Variants in GLIS3 observed in about 807,000 individuals in gnomAD.
GLIS3 encodes the protein zinc finger protein GLIS3.
In GLIS3, 53 loss-of-function variants were observed where a neutral mutation model predicts 78.6. That is an observed-to-expected ratio of 0.67 (90% CI 0.54 to 0.85). The LOEUF (loss-of-function observed/expected upper bound fraction) is 0.85, where lower values mean the gene tolerates loss of function less well. GLIS3 is among the 40% of genes least tolerant of loss of function. GLIS3 has a pLI of 0.00. For missense variants in GLIS3, 1,703 were observed against 1,231.1 expected (o/e 1.38, Z -5.74); for synonymous variants, 684 against 509.9 (o/e 1.34, Z -4.60).
chr9:4,320,024 T>TGTGTGC (rs1554658416), intron 2 of GLIS3, among the ~76,000 whole-genome samples: 34 of 55,374 alleles, frequency 6.1e-4, no homozygotes, highest in African/African-American at 1.1e-3. Context: ...TGTGTGTGTG[T>TGTGTGC]GCGCGCGCAC....
At position 3,824,708 on chromosome 9, in the gene GLIS3, AT is replaced by A. The variant is rs1817633545; in HGVS notation, c.*3563del. On this transcript the variant is annotated 3_prime_UTR_variant, in exon 11 of 11. Transcript: ENST00000381971. ...GAGTAAAATCGGCCCCATATCCAGT[AT>A]GATATATGCAGTTCATTTCTCTACG... 6.6e-6 allele frequency: 1 copy of A among 152,630 alleles called. No homozygotes were observed. Among genetic ancestry groups the A allele is most frequent in the Non-Finnish European group, 1.5e-5 (1 of 68,040 alleles). The allele number at this position is 152,630 out of a possible 1,614,324, so 9.5% of individuals were successfully genotyped here. A position where few individuals can be genotyped will look rare whatever the true frequency, so the allele number is the denominator to read the frequency against.
chr9:3,942,383 T>C (rs1815990648), intron 4 of GLIS3, among the ~76,000 whole-genome samples: 1 of 152,138 alleles, frequency 6.6e-6, no homozygotes, highest in African/African-American at 2.4e-5. Flanking sequence ...TATATGCCAG[T>C]TCCCATCTCC....
chr9:4,400,683 T>C, the GLIS3 span, among the ~76,000 whole-genome samples: 1 of 152,234 alleles, frequency 6.6e-6, no homozygotes, highest in Non-Finnish European at 1.5e-5. Flanking sequence ...ATGTTAAATA[T>C]ACTCTTTTAG....
the GLIS3 span, among the ~76,000 whole-genome samples, chr9:4,455,315 C>T: frequency 6.6e-6 from 1 of 152,104 alleles, no homozygotes; most frequent in Admixed American, 6.6e-5. Context: ...TCACCACACT[C>T]TTTGTAGACA....
At chr9:4,246,720 C>G (rs930325405) in intron 2 of GLIS3, among the ~76,000 whole-genome samples, 1 of 152,172 alleles carries the variant, frequency 6.6e-6, no homozygotes, top group African/African-American at 2.4e-5. Context: ...TACCTCCTAT[C>G]ATTTCCTAAA....
At chr9:4,078,970 G>A (rs1828316459) in intron 4 of GLIS3, among the ~76,000 whole-genome samples, 1 of 152,028 alleles carries the variant, frequency 6.6e-6, no homozygotes, top group Non-Finnish European at 1.5e-5. Context: ...ATGTTTTCCA[G>A]GTCTTTGGCT....
At chr9:3,987,994 T>C (rs564007844) in intron 4 of GLIS3, among the ~76,000 whole-genome samples, 72 of 152,178 alleles carry the variant, frequency 4.7e-4, no homozygotes, top group African/African-American at 1.5e-3. Context: ...GGTATAGTGA[T>C]GATTAAAATT....
At chr9:4,459,938 G>T in the GLIS3 span, among the ~76,000 whole-genome samples, 33 of 152,368 alleles carry the variant, frequency 2.2e-4, no homozygotes, top group African/African-American at 7.2e-4. Context: ...CCATGGTGGG[G>T]GAGAGGGAAT....
chr9:3,990,631 A>G (rs1311149996), intron 4 of GLIS3, among the ~76,000 whole-genome samples: 1 of 152,194 alleles, frequency 6.6e-6, no homozygotes, highest in Admixed American at 6.5e-5. Context: ...CCTACTTCTT[A>G]AAGTTTCCCT....
At chr9:4,232,085 G>C (rs942000229) in intron 2 of GLIS3, among the ~76,000 whole-genome samples, 2 of 152,134 alleles carry the variant, frequency 1.3e-5, no homozygotes, top group South Asian at 4.1e-4. Flanking sequence ...TTTTAAAAAT[G>C]AAACAGACAG....
At chr9:3,947,551 T>C (rs904404190) in intron 4 of GLIS3, among the ~76,000 whole-genome samples, 4 of 152,222 alleles carry the variant, frequency 2.6e-5, no homozygotes, top group Non-Finnish European at 5.9e-5. Context: ...TAAATGTGTG[T>C]GTTTAAGATC....
intron 4 of GLIS3, among the ~76,000 whole-genome samples, chr9:4,112,161 AGACTCCTCCCAAACTTC>A (rs1184618746): frequency 1.3e-5 from 2 of 152,332 alleles, no homozygotes; most frequent in South Asian, 2.1e-4. Flanking sequence ...GTTCAGCACA[AGACTCCTCCCAAACTTC>A]GACTAATAAT....
At chr9:4,350,760 C>A (rs10974487), upstream of GLIS3, among the ~76,000 whole-genome samples, 34,102 of 146,754 alleles carry the variant, frequency 0.23, 4,392 homozygotes, top group South Asian at 0.32. Context: ...TCTCTTCTAC[C>A]CAAAATGCCT....
At chr9:4,486,786 C>T in the GLIS3 span, among the ~76,000 whole-genome samples, 1 of 152,160 alleles carries the variant, frequency 6.6e-6, no homozygotes, top group Admixed American at 6.5e-5. Context: ...AACTCCTGGG[C>T]TCAAGCCATC....
At chr9:3,973,567 T>C (rs1029656083) in intron 4 of GLIS3, among the ~76,000 whole-genome samples, 20 of 152,306 alleles carry the variant, frequency 1.3e-4, no homozygotes, top group African/African-American at 4.1e-4. Context: ...AAGTTCTTTA[T>C]TACACAAAAA....
chr9:4,457,383 T>G, the GLIS3 span, among the ~76,000 whole-genome samples: 1 of 150,748 alleles, frequency 6.6e-6, no homozygotes, highest in African/African-American at 2.5e-5. Flanking sequence ...GCAAGATATA[T>G]CTGCATTTAT....
At chr9:4,345,612 TC>T (rs1325339675) in intron 2 of GLIS3, among the ~76,000 whole-genome samples, 1 of 152,208 alleles carries the variant, frequency 6.6e-6, no homozygotes, top group African/African-American at 2.4e-5. Flanking sequence ...TGTTCCTCTT[TC>T]CCCCATCCTT....
intron 4 of GLIS3, among the ~76,000 whole-genome samples, chr9:4,091,750 T>G (rs1829522215): frequency 8.5e-5 from 13 of 152,186 alleles, no homozygotes. Context: ...GTCAGTTTCC[T>G]GAGGCTTCCC....
At chr9:4,157,071 T>C (rs1224232824) in intron 2 of GLIS3, among the ~76,000 whole-genome samples, 1 of 152,192 alleles carries the variant, frequency 6.6e-6, no homozygotes, top group Non-Finnish European at 1.5e-5. Context: ...ATATGATTAC[T>C]ACAGGTCCTA....
Sources: allele counts gnomAD v4.1 joint callset (sites outside exome capture counted in the v4.1 genomes callset), GRCh38; gene constraint gnomAD v4.1.1; transcripts MANE v1.5; gene names NCBI Gene and HGNC (gene_info 2026-07-23, HGNC 2026-07-21).